Variants in AKAP7 observed in about 807,000 individuals in gnomAD.
The protein encoded by AKAP7 is A kinase (PRKA) anchor protein 7.
Under a neutral mutation model 39.5 loss-of-function variants are expected in AKAP7, and 39 were observed. The ratio of observed to expected loss-of-function variants is 0.99; its 90% confidence interval spans 0.76 to 1.29. The LOEUF is 1.29. AKAP7 is among the 50% of genes most tolerant of loss of function. The pLI is 0.00. For missense variants in AKAP7, 414 were observed against 407.7 expected (o/e 1.02, Z -0.13); for synonymous variants, 140 against 139.1 (o/e 1.01, Z -0.05).
intron 7 of AKAP7, among the ~76,000 whole-genome samples, chr6:131,255,713 C>T (rs543384912): frequency 6.6e-6 from 1 of 152,334 alleles, no homozygotes; most frequent in Non-Finnish European, 1.5e-5. Flanking sequence ...AAGCTGCTAA[C>T]ATCTCAGGGC....
intron 7 of AKAP7, among the ~76,000 whole-genome samples, chr6:131,220,385 T>C (rs559966896): frequency 6.6e-6 from 1 of 152,250 alleles, no homozygotes; most frequent in South Asian, 2.1e-4. Context: ...TGTGTACACT[T>C]AGGGAGATCT....
chr6:131,279,451 T>C (rs762058658), intron 7 of AKAP7, among the ~76,000 whole-genome samples: 2 of 152,076 alleles, frequency 1.3e-5, no homozygotes, highest in Non-Finnish European at 2.9e-5. Flanking sequence ...GTATTTTTAG[T>C]AGAGACAGAG....
rs368469383 is a variant in AKAP7, at chr6:131,266,684, TTTGTTG to T, written c.851-14825_851-14820del. 1.3e-4 allele frequency among the ~76,000 whole-genome samples: 20 copies of T among 149,104 alleles called. No individual in the cohort carries two copies. The East Asian group carries it at 2.2e-3, about 17-fold the overall frequency. On this transcript the variant is annotated intron_variant, in intron 7 of 7. Coordinates refer to ENST00000431975, the MANE Select transcript of AKAP7 (RefSeq NM_016377.4). ...ATGAGATCACCAAGCTGCAGGGGTT[TTTGTTG>T]TTGTTGTTGTTGTTGTTGTTTTTTA...
intron 7 of AKAP7, among the ~76,000 whole-genome samples, chr6:131,260,199 T>TATCA (rs1368378747): frequency 6.6e-6 from 1 of 152,228 alleles, no homozygotes; most frequent in African/African-American, 2.4e-5. Context: ...TTATCTAGTC[T>TATCA]ATCATTGATG....
chr6:131,145,104 A>T (rs1253869361), intron 1 of AKAP7, among the ~76,000 whole-genome samples, 181 bp from the exon 2 acceptor site: 1 of 151,944 alleles, frequency 6.6e-6, no homozygotes, highest in Non-Finnish European at 1.5e-5. Flanking sequence ...GTACAAAAAT[A>T]TAGAGTGTGG....
chr6:131,225,762 C>T (rs181243830), intron 7 of AKAP7, among the ~76,000 whole-genome samples: 128 of 152,160 alleles, frequency 8.4e-4, no homozygotes, highest in African/African-American at 3.0e-3. Flanking sequence ...AAATCCAGTT[C>T]TATTTTATGC....
Position 131,282,242 on chromosome 6 carries a change from AT to A in AKAP7, c.*517del. 1 of 1,348,296 alleles carries A rather than the reference AT, an allele frequency of 7.4e-7. No homozygotes were observed. The highest frequency in any genetic ancestry group is 2.7e-5 in the East Asian group (1 of 36,632). The allele number at this position is 1,348,296 out of a possible 1,614,324, so 83.5% of individuals were successfully genotyped here. On this transcript the variant is annotated 3_prime_UTR_variant, in exon 8 of 8. Transcript: ENST00000431975. ...TTGCTATGCAGTGTGATCTTTATTTATAGTAAATTATGTTTCATGTAAATGA... is the reference window on the plus strand; with the variant it reads ...TTGCTATGCAGTGTGATCTTTATTTAAGTAAATTATGTTTCATGTAAATGA...
intron 6 of AKAP7, 95 bp from the exon 7 acceptor site, chr6:131,219,566 G>A (rs1809518795): frequency 1.8e-6 from 2 of 1,121,998 alleles, no homozygotes; most frequent in Non-Finnish European, 2.5e-6. Flanking sequence ...TAACAATGTA[G>A]TAATGTAATA....
chr6:131,219,380 CT>C (rs1809502188), intron 6 of AKAP7, among the ~76,000 whole-genome samples: 1 of 151,560 alleles, frequency 6.6e-6, no homozygotes, highest in Non-Finnish European at 1.5e-5. Context: ...ACTCAGTATA[CT>C]TTATTATTTC....
intron 2 of AKAP7, among the ~76,000 whole-genome samples, chr6:131,148,255 A>T (rs571887207): frequency 4.1e-4 from 63 of 152,330 alleles, no homozygotes; most frequent in African/African-American, 1.3e-3. Flanking sequence ...CTTTTTGATA[A>T]TTCAGGCTTT....
intron 5 of AKAP7, chr6:131,185,349 C>A: frequency 1.9e-6 from 1 of 525,330 alleles, no homozygotes. Flanking sequence ...TGGGCTACTC[C>A]AGTCTGTGAG....
chr6:131,222,022 A>G (rs1809742513), intron 7 of AKAP7, among the ~76,000 whole-genome samples: 1 of 152,224 alleles, frequency 6.6e-6, no homozygotes, highest in Non-Finnish European at 1.5e-5. Context: ...AATAGTGATT[A>G]TTGTGATAGA....
chr6:131,155,263 C>T (rs1227011225), intron 2 of AKAP7, among the ~76,000 whole-genome samples: 2 of 152,164 alleles, frequency 1.3e-5, no homozygotes, highest in Non-Finnish European at 2.9e-5. Context: ...GTCCTCCCAC[C>T]TAGGTCTCAC....
At chr6:131,211,548 G>C (rs536784637) in intron 6 of AKAP7, among the ~76,000 whole-genome samples, 4 of 151,764 alleles carry the variant, frequency 2.6e-5, no homozygotes, top group African/African-American at 7.3e-5. Flanking sequence ...GGCGGATCAC[G>C]AGGTCAGGAG....
intron 7 of AKAP7, among the ~76,000 whole-genome samples, chr6:131,243,374 G>A (rs1056843128): frequency 2.6e-5 from 4 of 152,172 alleles, no homozygotes; most frequent in African/African-American, 4.8e-5. Flanking sequence ...GTTGTTAGAA[G>A]CATCCATAAA....
intron 1 of AKAP7, among the ~76,000 whole-genome samples, chr6:131,142,274 G>T (rs1447900398): frequency 6.6e-6 from 1 of 152,206 alleles, no homozygotes; most frequent in Admixed American, 6.5e-5. Flanking sequence ...AATCTCCAGG[G>T]CAGCTTCTCC....
At chr6:131,145,127 TATAAA>T (rs1801375086) in intron 1 of AKAP7, among the ~76,000 whole-genome samples, 153 bp from the exon 2 acceptor site, 1 of 152,212 alleles carries the variant, frequency 6.6e-6, no homozygotes, top group Non-Finnish European at 1.5e-5. Context: ...TAAATGTTTA[TATAAA>T]TAGCTTTATG....
chr6:131,242,938 T>A lies in AKAP7; in HGVS notation c.850+23130T>A, dbSNP rs145955824. 1.1e-3 allele frequency among the ~76,000 whole-genome samples: 165 copies of A among 152,266 alleles called. 1 individual carries two copies. Among genetic ancestry groups the A allele is most frequent in the African/African-American group, 3.7e-3 (152 of 41,552 alleles). On this transcript the variant is annotated intron_variant, in intron 7 of 7. Coordinates refer to ENST00000431975, the MANE Select transcript of AKAP7 (RefSeq NM_016377.4). ...ATCCTTCACAAGAAGGAAAGAGACA[T>A]ATTTCAGAAACGCTGGTAGGGCCCA...
At chr6:131,224,247 T>C (rs943407186) in intron 7 of AKAP7, among the ~76,000 whole-genome samples, 1 of 152,202 alleles carries the variant, frequency 6.6e-6, no homozygotes, top group African/African-American at 2.4e-5. Flanking sequence ...ATTTTATCAA[T>C]CTTACCTATA....
Sources: allele counts gnomAD v4.1 joint callset (sites outside exome capture counted in the v4.1 genomes callset), GRCh38; gene constraint gnomAD v4.1.1; transcripts MANE v1.5; gene names NCBI Gene and HGNC (gene_info 2026-07-23, HGNC 2026-07-21).